The following RIMS2 variants were observed in gnomAD, a reference collection of about 807,000 sequenced individuals.
The protein encoded by RIMS2 is regulating synaptic membrane exocytosis protein 2.
A neutral mutation model predicts 174.4 loss-of-function variants in RIMS2; 59 were observed. The ratio of observed to expected loss-of-function variants is 0.34; its 90% CI spans 0.27 to 0.42. The LOEUF is 0.42. Among genes scored for constraint, RIMS2 ranks in the 10% least tolerant of loss-of-function variants. RIMS2 has a pLI of 1.00. For missense variants in RIMS2, 1,620 were observed against 1,666.3 expected (o/e 0.97, Z 0.48); for synonymous variants, 606 against 572.5 (o/e 1.06, Z -0.84).
intron 14 of RIMS2, among the ~76,000 whole-genome samples, chr8:103,948,655 A>G (rs534378629): frequency 6.6e-6 from 1 of 152,214 alleles, no homozygotes; most frequent in Admixed American, 6.5e-5. Context: ...TTAAGTTAGC[A>G]GTTGGCTGGA....
intron 16 of RIMS2, among the ~76,000 whole-genome samples, chr8:103,982,907 C>A (rs999834295): frequency 6.6e-6 from 1 of 152,146 alleles, no homozygotes; most frequent in Admixed American, 6.5e-5. Flanking sequence ...CTAGTGCAAT[C>A]AGCCAAGAGA....
At chr8:104,255,887 C>T (rs778060829), downstream of RIMS2, 7 of 152,218 alleles carry the variant, frequency 4.6e-5, no homozygotes, top group Non-Finnish European at 7.3e-5. Context: ...CTGTGCCACA[C>T]ACATCTTCCA....
intron 1 of RIMS2, among the ~76,000 whole-genome samples, chr8:103,527,661 A>G (rs1405222560): frequency 2.6e-5 from 4 of 151,892 alleles, no homozygotes; most frequent in African/African-American, 9.7e-5. Flanking sequence ...TCTCCTTGCA[A>G]TAGTTTGCTG....
At position 103,807,298 on chromosome 8, in the gene RIMS2, C is replaced by T. The variant is rs1423427293; in HGVS notation, c.698+40761C>T. On this transcript the variant is annotated intron_variant, in intron 3 of 23. Coordinates refer to ENST00000504942, the Ensembl canonical transcript of RIMS2. ...AAAATGGTTTAAAAGTCATGGATAG[C>T]ATTAGTGTCAAATGATACAGATAAG... Among the ~76,000 whole-genome samples, 3 of 152,002 alleles carry T rather than the reference C, an allele frequency of 2.0e-5. No homozygotes were observed. In the East Asian group the frequency reaches 5.8e-4, roughly 29 times the overall value.
chr8:104,074,928 G>T (rs2097261773), intron 19 of RIMS2, among the ~76,000 whole-genome samples: 1 of 152,090 alleles, frequency 6.6e-6, no homozygotes, highest in Non-Finnish European at 1.5e-5. Context: ...TTAAAATGTA[G>T]ATTAGATAGC....
At chr8:104,039,023 T>C (rs1421781841) in intron 19 of RIMS2, among the ~76,000 whole-genome samples, 1 of 151,766 alleles carries the variant, frequency 6.6e-6, no homozygotes, top group Non-Finnish European at 1.5e-5. Context: ...TTATTAATCA[T>C]ATAAATTTTG....
At chr8:103,827,588 G>A (rs927045063) in intron 3 of RIMS2, among the ~76,000 whole-genome samples, 3 of 152,194 alleles carry the variant, frequency 2.0e-5, no homozygotes, top group Non-Finnish European at 4.4e-5. Context: ...TGTGATCCCA[G>A]CACTTTGAGA....
At chr8:103,698,738 TG>T (rs2097135263) in intron 2 of RIMS2, among the ~76,000 whole-genome samples, 1 of 152,164 alleles carries the variant, frequency 6.6e-6, no homozygotes, top group Non-Finnish European at 1.5e-5. Flanking sequence ...CCCAAGTAGC[TG>T]GGACGACAGA....
chr8:103,770,024 C>T (rs960976924), intron 3 of RIMS2, among the ~76,000 whole-genome samples: 2 of 152,036 alleles, frequency 1.3e-5, no homozygotes, highest in African/African-American at 2.4e-5. Context: ...AAGAGTATTT[C>T]TTTTATTTTA....
intron 1 of RIMS2, among the ~76,000 whole-genome samples, chr8:103,670,348 A>G (rs1289368060): frequency 6.6e-6 from 1 of 152,228 alleles, no homozygotes; most frequent in Admixed American, 6.5e-5. Flanking sequence ...AAAGTCTCTG[A>G]CATGCTCTGG....
chr8:104,031,744 G>A (rs2096397632), intron 19 of RIMS2, among the ~76,000 whole-genome samples: 1 of 152,056 alleles, frequency 6.6e-6, no homozygotes. Flanking sequence ...AACCATTGCC[G>A]AAAAAGAAAC....
intron 1 of RIMS2, among the ~76,000 whole-genome samples, chr8:103,503,797 GATGCATATAATTTTAAAT>G (rs1821870762): frequency 6.6e-6 from 1 of 151,950 alleles, no homozygotes; most frequent in Admixed American, 6.6e-5. Context: ...ACAATACCTA[GATGCATATAATTTTAAAT>G]ATGCATGTAG....
chr8:103,678,780 T>G (rs2096844850), intron 1 of RIMS2, among the ~76,000 whole-genome samples: 1 of 152,114 alleles, frequency 6.6e-6, no homozygotes, highest in Admixed American at 6.6e-5. Context: ...AAAAAGGAAG[T>G]CAATTCAATT....
At position 104,179,213 on chromosome 8, in the gene RIMS2, A is replaced by G. The variant is rs1183360724; in HGVS notation, c.3335-65703A>G. Among the ~76,000 whole-genome samples the G allele has an allele frequency of 3.9e-5, 6 of 152,200 alleles. No homozygotes were observed. The East Asian group carries it at 1.2e-3, about 29-fold the overall frequency. ...AACTTCAAATAGATGTCTCCTATGA[A>G]TTAAGAATCAGGATTTTCTTGGTTA... On this transcript the variant is annotated intron_variant, in intron 19 of 23. Transcript: ENST00000504942.
chr8:103,575,958 T>A (rs1363696244), intron 1 of RIMS2, among the ~76,000 whole-genome samples: 1 of 152,226 alleles, frequency 6.6e-6, no homozygotes, highest in Non-Finnish European at 1.5e-5. Context: ...AGCAGGAGAC[T>A]GTCCCTGCCT....
Position 103,652,730 on chromosome 8 carries a change from T to A in RIMS2, c.177-44356T>A, listed in dbSNP as rs919770529. On this transcript the variant is annotated intron_variant, in intron 1 of 23. Coordinates refer to ENST00000504942, the Ensembl canonical transcript of RIMS2. ...CCAGACGTAAGTAAGCTGATCTATA[T>A]AGACTAAATATTATCTCTGATAGTA... 2.4e-6 allele frequency: 3 copies of A among 1,266,434 alleles called. No homozygotes were observed. In the Admixed American group the frequency reaches 5.9e-5, roughly 25 times the overall value. The allele number at this position is 1,266,434 out of a possible 1,614,324, so 78.4% of individuals were successfully genotyped here.
At chr8:104,152,890 G>T (rs1487945128) in intron 19 of RIMS2, among the ~76,000 whole-genome samples, 4 of 152,062 alleles carry the variant, frequency 2.6e-5, no homozygotes, top group Non-Finnish European at 5.9e-5. Context: ...GTATCATAAT[G>T]ATTTCAATAT....
chr8:103,750,616 A>G (rs537938160), intron 2 of RIMS2, among the ~76,000 whole-genome samples: 5 of 152,216 alleles, frequency 3.3e-5, no homozygotes, highest in African/African-American at 1.2e-4. Context: ...AGTAGAAATC[A>G]TTGGATCATG....
At chr8:104,189,066 T>C (rs1032783322) in intron 19 of RIMS2, among the ~76,000 whole-genome samples, 9 of 152,020 alleles carry the variant, frequency 5.9e-5, no homozygotes, top group Non-Finnish European at 1.2e-4. Flanking sequence ...TTATTTGGTA[T>C]TTCAAATTAT....
Sources: gnomAD v4.1 joint callset for allele counts (sites outside exome capture counted in the v4.1 genomes callset) on GRCh38, gnomAD v4.1.1 for gene constraint, MANE v1.5 for transcripts, NCBI Gene and HGNC (gene_info 2026-07-23, HGNC 2026-07-21) for gene names.